PINX1: variants seen among roughly 807,000 people sequenced by gnomAD.
The protein encoded by PINX1 is PIN2 (TERF1) interacting telomerase inhibitor 1.
A neutral mutation model predicts 25.4 loss-of-function variants in PINX1; 34 were observed. The ratio of observed to expected loss-of-function variants is 1.34; its 90% CI spans 1.02 to 1.78. PINX1 has a LOEUF of 1.78. PINX1 is among the 40% of genes most tolerant of loss of function. PINX1 has a pLI of 0.00. For missense variants in PINX1, 592 were observed against 404.9 expected (o/e 1.46, Z -3.97); for synonymous variants, 197 against 147.7 (o/e 1.33, Z -2.42).
At position 10,831,734 on chromosome 8, in the gene PINX1, T is replaced by A. The variant is rs754507623; in HGVS notation, c.232A>T (p.Ile78Phe). ...GATINNEDNW[I>F]AHQDDFNQLL... ...TGGTTAAAATCATCCTGATGGGCAA[T>A]CCAGTTGTCCTGAAAATATCAAAGA... The change falls in exon 4 of 7, where the codon ATT becomes TTT. Residue 78 changes from isoleucine to phenylalanine, a missense_variant. Coordinates refer to ENST00000314787, the MANE Select transcript of PINX1 (RefSeq NM_017884.6). 1 of 1,586,416 alleles carries A rather than the reference T, an allele frequency of 6.3e-7. No homozygotes were observed. The highest frequency in any genetic ancestry group is 1.1e-5 in the South Asian group (1 of 87,184).
chr8:10,769,324 G>T (rs551388683), intron 6 of PINX1, among the ~76,000 whole-genome samples: 2 of 152,314 alleles, frequency 1.3e-5, no homozygotes, highest in South Asian at 4.1e-4. Flanking sequence ...TTCACAGCAA[G>T]CCTCACAGTC....
Position 10,765,416 on chromosome 8 carries a change from C to A in PINX1, c.972G>T (p.Lys324Asn), listed in dbSNP as rs200919628. Residue 324 changes from lysine (K) to asparagine (N), a missense_variant, in exon 7 of 7, where the codon AAG (lysine) becomes AAT (asparagine). Transcript: ENST00000314787. ...TGGGAAGGATTCATTTGGAATCTTT[C>A]TTCTTCTTCTTTTTCACTAGCGTTT... ...LEETLVKKKKKKDSK is the reference protein window; with the variant it reads ...LEETLVKKKKNKDSK 1.3e-6 allele frequency: 2 copies of A among 1,592,630 alleles called. No individual in the cohort carries two copies. Among genetic ancestry groups the A allele is most frequent in the South Asian group, 2.2e-5 (2 of 89,300 alleles).
intron 6 of PINX1, among the ~76,000 whole-genome samples, chr8:10,789,593 G>A (rs914411587): frequency 1.3e-5 from 2 of 152,190 alleles, no homozygotes; most frequent in African/African-American, 2.4e-5. Flanking sequence ...GTGGTCAGAG[G>A]AGTAGCATTT....
At chr8:10,834,573 TAA>T in intron 2 of PINX1, 91 bp downstream of exon 2, 2 of 1,481,064 alleles carry the variant, frequency 1.4e-6, no homozygotes, top group South Asian at 1.4e-5. Context: ...ATCCAAAGCA[TAA>T]GTTTCTTCCA....
intron 6 of PINX1, chr8:10,787,858 C>T (rs1364616253): frequency 2.2e-6 from 1 of 455,656 alleles, no homozygotes; most frequent in South Asian, 1.6e-5. Context: ...GAATGAGAAC[C>T]TATTGGTTAA....
At chr8:10,783,667 C>T (rs981096906) in intron 6 of PINX1, among the ~76,000 whole-genome samples, 3 of 152,132 alleles carry the variant, frequency 2.0e-5, no homozygotes, top group Non-Finnish European at 4.4e-5. Context: ...TTATACCTTA[C>T]CCATTTAATC....
At chr8:10,772,742 T>C (rs896163403) in intron 6 of PINX1, among the ~76,000 whole-genome samples, 16 of 152,162 alleles carry the variant, frequency 1.1e-4, no homozygotes, top group African/African-American at 3.9e-4. Flanking sequence ...AAAGCAAAGA[T>C]ACAATAACAG....
chr8:10,772,602 G>A (rs974218216), intron 6 of PINX1, among the ~76,000 whole-genome samples: 3 of 152,168 alleles, frequency 2.0e-5, no homozygotes, highest in African/African-American at 4.8e-5. Context: ...ACCAAGTCTC[G>A]GCAATGAGCA....
At chr8:10,793,536 C>T (rs1182438317) in intron 6 of PINX1, among the ~76,000 whole-genome samples, 1 of 152,230 alleles carries the variant, frequency 6.6e-6, no homozygotes, top group East Asian at 1.9e-4. Flanking sequence ...CCGCCCTGGG[C>T]AGCATGCAGC....
At chr8:10,770,561 G>A (rs781403228) in intron 6 of PINX1, among the ~76,000 whole-genome samples, 9 of 152,174 alleles carry the variant, frequency 5.9e-5, no homozygotes, top group East Asian at 3.8e-4. Context: ...GAGTATCTGC[G>A]CAAGATCCTC....
At chr8:10,802,561 C>A (rs1802302331) in intron 6 of PINX1, among the ~76,000 whole-genome samples, 1 of 152,170 alleles carries the variant, frequency 6.6e-6, no homozygotes, top group Non-Finnish European at 1.5e-5. Flanking sequence ...CAACAAAAAC[C>A]TATTGGTTAC....
At chr8:10,837,209 G>C (rs1049200305) in intron 1 of PINX1, among the ~76,000 whole-genome samples, 1 of 152,144 alleles carries the variant, frequency 6.6e-6, no homozygotes, top group Non-Finnish European at 1.5e-5. Context: ...CCAGGTAGAG[G>C]GTGTCTATGT....
At chr8:10,815,319 A>G (rs17776404) in intron 6 of PINX1, among the ~76,000 whole-genome samples, 26,259 of 152,196 alleles carry the variant, frequency 0.17, 2,607 homozygotes, top group Non-Finnish European at 0.23. Flanking sequence ...CATGTCCTAG[A>G]AATCTTGCAT....
chr8:10,773,847 G>A (rs1210758746), intron 6 of PINX1, among the ~76,000 whole-genome samples: 2 of 152,166 alleles, frequency 1.3e-5, no homozygotes, highest in Non-Finnish European at 1.5e-5. Flanking sequence ...CAGGCTTCCT[G>A]CCTCCCTGAA....
intron 6 of PINX1, among the ~76,000 whole-genome samples, chr8:10,784,042 TCTAAA>T (rs1801673058): frequency 6.6e-6 from 1 of 152,096 alleles, no homozygotes; most frequent in Non-Finnish European, 1.5e-5. Context: ...CTATAAAGAG[TCTAAA>T]CTAAACTCTG....
At chr8:10,832,644 T>C (rs938722714) in intron 3 of PINX1, among the ~76,000 whole-genome samples, 2 of 152,300 alleles carry the variant, frequency 1.3e-5, no homozygotes, top group Middle Eastern at 3.4e-3. Flanking sequence ...TGCAAAAACT[T>C]AGAAACAAAA....
At chr8:10,834,807 G>T in intron 1 of PINX1, 32 bp from the exon 2 acceptor site, 1 of 1,495,492 alleles carries the variant, frequency 6.7e-7, no homozygotes, top group Non-Finnish European at 9.3e-7. Flanking sequence ...CATCAGCAAT[G>T]GAGATGATAC....
At chr8:10,834,184 T>C (rs976559241) in intron 2 of PINX1, among the ~76,000 whole-genome samples, 1 of 151,938 alleles carries the variant, frequency 6.6e-6, no homozygotes, top group Non-Finnish European at 1.5e-5. Context: ...GAGTGGCAAG[T>C]GAGGTGAAAA....
intron 6 of PINX1, among the ~76,000 whole-genome samples, chr8:10,789,719 T>A (rs1586154828): frequency 6.6e-6 from 1 of 152,256 alleles, no homozygotes; most frequent in South Asian, 2.1e-4. Context: ...TTTTTCAAGT[T>A]CAGTATTGTC....
Sources: allele counts gnomAD v4.1 joint callset (sites outside exome capture counted in the v4.1 genomes callset), GRCh38; gene constraint gnomAD v4.1.1; transcripts MANE v1.5; gene names NCBI Gene and HGNC (gene_info 2026-07-23, HGNC 2026-07-21).